ELL2: variants seen among roughly 807,000 people sequenced by gnomAD.
ELL2 encodes the protein elongation factor for RNA polymerase II 2, also known as RNA polymerase II elongation factor ELL2.
In ELL2, 21 loss-of-function variants were observed where a neutral mutation model predicts 72.8. The observed-to-expected ratio is 0.29, with a 90% CI of 0.20 to 0.42. The LOEUF (loss-of-function observed/expected upper bound fraction) is 0.42. ELL2 is among the 10% of genes least tolerant of loss of function. ELL2 has a pLI of 1.00. For missense variants in ELL2, 568 were observed against 772.8 expected (o/e 0.73, Z 3.14); for synonymous variants, 266 against 283.2 (o/e 0.94, Z 0.61).
chr5:95,895,538 T>C, intron 9 of ELL2, 90 bp downstream of exon 9: 1 of 1,258,852 alleles, frequency 7.9e-7, no homozygotes, highest in Non-Finnish European at 1.2e-6. Flanking sequence ...CTGGAACTTC[T>C]TACTTTTCTG....
chr5:95,924,191 G>C (rs909098392), intron 2 of ELL2, among the ~76,000 whole-genome samples: 3 of 152,176 alleles, frequency 2.0e-5, no homozygotes, highest in African/African-American at 7.2e-5. Flanking sequence ...ATATGCGTCA[G>C]TCCCCTCTGA....
At chr5:95,908,556 A>G (rs576634116) in intron 4 of ELL2, among the ~76,000 whole-genome samples, 3 of 152,184 alleles carry the variant, frequency 2.0e-5, no homozygotes, top group African/African-American at 7.2e-5. Context: ...AATGAATGAC[A>G]GCGAGAGAGC....
At chr5:95,936,502 G>A (rs867424771) in intron 2 of ELL2, among the ~76,000 whole-genome samples, 2 of 152,184 alleles carry the variant, frequency 1.3e-5, no homozygotes, top group Non-Finnish European at 2.9e-5. Flanking sequence ...CAAGAAGGTG[G>A]GGCTGGGTGG....
chr5:95,903,375 T>C (rs933799428), intron 5 of ELL2, among the ~76,000 whole-genome samples: 6 of 151,788 alleles, frequency 4.0e-5, no homozygotes, highest in Non-Finnish European at 7.4e-5. Flanking sequence ...CCTGTCACCA[T>C]GCCCAGCTAA....
intron 2 of ELL2, among the ~76,000 whole-genome samples, chr5:95,924,046 G>C (rs1194933026): frequency 1.3e-5 from 2 of 152,164 alleles, no homozygotes; most frequent in East Asian, 1.9e-4. Context: ...TGGTGAGAGG[G>C]AAGCTTTAGA....
At chr5:95,911,858 G>C (rs1405801435) in intron 4 of ELL2, among the ~76,000 whole-genome samples, 1 of 152,218 alleles carries the variant, frequency 6.6e-6, no homozygotes, top group African/African-American at 2.4e-5. Flanking sequence ...TGCTGTGACG[G>C]TGAGTGGCTA....
chr5:95,903,232 T>C (rs1158518083), intron 5 of ELL2, among the ~76,000 whole-genome samples: 1 of 140,160 alleles, frequency 7.1e-6, no homozygotes, highest in African/African-American at 2.7e-5. Context: ...TTTTTTTTTT[T>C]TTCCGAGACA....
intron 2 of ELL2, among the ~76,000 whole-genome samples, chr5:95,933,379 A>G (rs1750665986): frequency 6.6e-6 from 1 of 152,224 alleles, no homozygotes; most frequent in African/African-American, 2.4e-5. Context: ...GAAACCATAC[A>G]TGTAATAGGA....
intron 10 of ELL2, among the ~76,000 whole-genome samples, chr5:95,890,607 T>C (rs985347854): frequency 2.0e-5 from 3 of 152,222 alleles, no homozygotes; most frequent in Non-Finnish European, 4.4e-5. Flanking sequence ...CAAAGATCCG[T>C]CTTTGTAGCT....
chr5:95,903,791 T>C (rs533278639), intron 5 of ELL2, among the ~76,000 whole-genome samples: 2 of 152,326 alleles, frequency 1.3e-5, no homozygotes, highest in East Asian at 1.9e-4. Flanking sequence ...ATATGTCTAA[T>C]AGACATCTTC....
At chr5:95,897,188 T>C (rs1561489886) in intron 8 of ELL2, among the ~76,000 whole-genome samples, 1 of 152,176 alleles carries the variant, frequency 6.6e-6, no homozygotes. Flanking sequence ...TAAAAGAAAA[T>C]AGAGCTTCTC....
At position 95,888,991 on chromosome 5, in the gene ELL2, C is replaced by CA. The variant is rs1749041104; in HGVS notation, c.1807-5dup. ...CTTCATGGTAATTGGGACTAGACTG[C>CA]AGATGAAAAAAAAAAAAAAAAAAGA... On this transcript the variant is annotated splice_region_variant and splice_polypyrimidine_tract_variant and intron_variant, in intron 11 of 11. Coordinates refer to ENST00000237853, the MANE Select transcript of ELL2 (RefSeq NM_012081.6). 9.2e-6 allele frequency: 12 copies of CA among 1,306,956 alleles called. No individual in the cohort carries two copies. In the East Asian group the frequency reaches 3.0e-4, roughly 32 times the overall value. The allele number at this position is 1,306,956 out of a possible 1,614,324, so 81.0% of individuals were successfully genotyped here.
chr5:95,941,264 C>A (rs1750958409), intron 2 of ELL2, among the ~76,000 whole-genome samples: 1 of 151,972 alleles, frequency 6.6e-6, no homozygotes, highest in African/African-American at 2.4e-5. Context: ...TGAACTATAC[C>A]AAGGCAAGGA....
intron 2 of ELL2, among the ~76,000 whole-genome samples, chr5:95,922,349 A>G (rs778101600): frequency 3.3e-5 from 5 of 152,256 alleles, no homozygotes; most frequent in Admixed American, 1.3e-4. Context: ...GGCGTGAGCC[A>G]CTGCGCCCAG....
chr5:95,907,168 T>TAAGACCTCTCTAAG (rs1749392552), intron 4 of ELL2, among the ~76,000 whole-genome samples: 1 of 151,868 alleles, frequency 6.6e-6, no homozygotes, highest in African/African-American at 2.4e-5. Flanking sequence ...CAGAAATACC[T>TAAGACCTCTCTAAG]GTCAGACCTC....
At chr5:95,907,296 A>ATATATATATATTTTTTTTTTTTTTTTTTT in intron 4 of ELL2, among the ~76,000 whole-genome samples, 9 of 116,480 alleles carry the variant, frequency 7.7e-5, no homozygotes, top group African/African-American at 3.3e-4. Flanking sequence ...ATATATATAT[A>ATATATATATATTTTTTTTTTTTTTTTTTT]TTTTTTTTTT....
At chr5:95,919,351 G>C in intron 3 of ELL2, 73 bp downstream of exon 3, 1 of 1,507,488 alleles carries the variant, frequency 6.6e-7, no homozygotes, top group Non-Finnish European at 8.9e-7. Flanking sequence ...ATTATGTATT[G>C]TATTGTTTAA....
At chr5:95,915,803 A>G (rs1258413882) in intron 3 of ELL2, among the ~76,000 whole-genome samples, 1 of 152,168 alleles carries the variant, frequency 6.6e-6, no homozygotes, top group East Asian at 1.9e-4. Flanking sequence ...AAGGTTTTCA[A>G]ATTGTCCAAA....
At chr5:95,953,819 G>C (rs974256732) in intron 1 of ELL2, among the ~76,000 whole-genome samples, 2 of 152,308 alleles carry the variant, frequency 1.3e-5, no homozygotes, top group African/African-American at 4.8e-5. Flanking sequence ...AATAAAACTT[G>C]AAATGTAAAT....
Sources: allele counts gnomAD v4.1 joint callset (sites outside exome capture counted in the v4.1 genomes callset), GRCh38; gene constraint gnomAD v4.1.1; transcripts MANE v1.5; gene names NCBI Gene and HGNC (gene_info 2026-07-23, HGNC 2026-07-21).